The following SDK1 variants were observed in gnomAD, a reference collection of about 807,000 sequenced individuals.
SDK1 encodes protein sidekick-1.
A neutral mutation model predicts 245.5 loss-of-function variants in SDK1; 157 were observed. That is an observed-to-expected ratio of 0.64 (90% CI 0.56 to 0.73). SDK1 has a LOEUF of 0.73. Ranked by LOEUF, SDK1 falls within the 30% of genes least tolerant of loss-of-function variation. The pLI is 0.00. For missense variants in SDK1, 3,583 were observed against 3,002.3 expected (o/e 1.19, Z -4.52); for synonymous variants, 1,647 against 1,278.5 (o/e 1.29, Z -6.15).
intron 21 of SDK1, among the ~76,000 whole-genome samples, chr7:4,078,757 G>C (rs1049034443): frequency 6.6e-6 from 1 of 152,192 alleles, no homozygotes; most frequent in Non-Finnish European, 1.5e-5. Flanking sequence ...CATCTGAAGG[G>C]TCTCTCATCT....
At chr7:4,248,940 C>A (rs989898751) in intron 44 of SDK1, among the ~76,000 whole-genome samples, 1 of 147,252 alleles carries the variant, frequency 6.8e-6, no homozygotes, top group Non-Finnish European at 1.5e-5. Context: ...TACATACATG[C>A]ACAACACATA....
chr7:3,622,330 A>C (rs528821765), intron 2 of SDK1, among the ~76,000 whole-genome samples: 2 of 152,152 alleles, frequency 1.3e-5, no homozygotes, highest in East Asian at 3.9e-4. Flanking sequence ...AAAATACAAA[A>C]ATTAGCCAGG....
intron 5 of SDK1, among the ~76,000 whole-genome samples, chr7:3,931,179 AC>A (rs1419105907): frequency 3.9e-5 from 6 of 152,178 alleles, no homozygotes; most frequent in Non-Finnish European, 8.8e-5. Flanking sequence ...GAGCAGATCA[AC>A]CCATTTTAAT....
At chr7:3,812,389 T>C (rs1417652062) in intron 4 of SDK1, among the ~76,000 whole-genome samples, 1 of 152,140 alleles carries the variant, frequency 6.6e-6, no homozygotes, top group African/African-American at 2.4e-5. Context: ...GTATTTCAAA[T>C]CCAAAGGATT....
intron 17 of SDK1, among the ~76,000 whole-genome samples, chr7:4,021,807 C>G (rs1186703439): frequency 3.3e-5 from 5 of 152,222 alleles, no homozygotes; most frequent in African/African-American, 9.7e-5. Flanking sequence ...ACATATCTGT[C>G]CCTTGTTAAG....
At chr7:3,721,593 C>CT (rs1241703262) in intron 4 of SDK1, among the ~76,000 whole-genome samples, 1 of 152,204 alleles carries the variant, frequency 6.6e-6, no homozygotes, top group African/African-American at 2.4e-5. Context: ...AAATGACCCT[C>CT]TGTTGTCTCT....
At chr7:3,361,389 C>T (rs1194755823) in intron 1 of SDK1, among the ~76,000 whole-genome samples, 1 of 152,158 alleles carries the variant, frequency 6.6e-6, no homozygotes, top group Admixed American at 6.5e-5. Flanking sequence ...CTTTCTTGTC[C>T]CACCTTCTGG....
chr7:3,950,775 A>G (rs1267292998), intron 5 of SDK1, 148 bp from the exon 6 acceptor site: 4 of 616,520 alleles, frequency 6.5e-6, no homozygotes, highest in Admixed American at 2.7e-5. Flanking sequence ...GAGCCATCAT[A>G]CATCAGGGAC....
At chr7:4,013,335 T>C (rs1786134887) in intron 16 of SDK1, among the ~76,000 whole-genome samples, 1 of 152,238 alleles carries the variant, frequency 6.6e-6, no homozygotes, top group Admixed American at 6.5e-5. Flanking sequence ...TAAAGCAGAA[T>C]TGCATAATAA....
In SDK1 at chr7:4,268,258, C is replaced by G. The variant is rs975269435; in HGVS notation, c.*2874C>G. On this transcript the variant is annotated 3_prime_UTR_variant, in exon 45 of 45. Coordinates refer to ENST00000404826, the MANE Select transcript of SDK1 (RefSeq NM_152744.4). Reference sequence around the variant, plus strand: ...TCACGGAGTGGCCAGGAGGCTCCGTCTGAGCCACAGGGATGGGTGTGCAGA... The same window carrying G: ...TCACGGAGTGGCCAGGAGGCTCCGTGTGAGCCACAGGGATGGGTGTGCAGA... The G allele has an allele frequency of 3.0e-6, 3 of 1,000,498 alleles. No individual in the cohort carries two copies. Among genetic ancestry groups the G allele is most frequent in the African/African-American group, 1.7e-5 (1 of 57,758 alleles). 62.0% of individuals were successfully genotyped at this position (1,000,498 alleles called of 1,614,324 possible). A position where few individuals can be genotyped will look rare whatever the true frequency, so the allele number is the denominator to read the frequency against.
chr7:3,761,149 T>C (rs929268143), intron 4 of SDK1, among the ~76,000 whole-genome samples: 8 of 152,178 alleles, frequency 5.3e-5, no homozygotes, highest in African/African-American at 7.2e-5. Flanking sequence ...GTAGCACTTT[T>C]TCCAGGTGAG....
At chr7:3,679,341 T>C (rs987554689) in intron 4 of SDK1, among the ~76,000 whole-genome samples, 2 of 151,834 alleles carry the variant, frequency 1.3e-5, no homozygotes, top group East Asian at 3.9e-4. Context: ...CCGAGGCGGG[T>C]GGATCACGAG....
chr7:3,596,600 C>A (rs1043974540), intron 1 of SDK1, among the ~76,000 whole-genome samples: 1 of 152,148 alleles, frequency 6.6e-6, no homozygotes, highest in Non-Finnish European at 1.5e-5. Context: ...TCCCTCAGGC[C>A]CTTCCAATTA....
intron 4 of SDK1, among the ~76,000 whole-genome samples, chr7:3,805,190 A>AC (rs1238398649): frequency 7.2e-5 from 11 of 152,226 alleles, no homozygotes; most frequent in Non-Finnish European, 1.3e-4. Context: ...GCTACTAAAA[A>AC]ATACAGTTGT....
intron 1 of SDK1, among the ~76,000 whole-genome samples, chr7:3,482,191 C>G (rs1042812244): frequency 2.6e-5 from 4 of 152,174 alleles, no homozygotes; most frequent in African/African-American, 9.7e-5. Context: ...ATACCTTAAA[C>G]TACCTACCTA....
At chr7:3,362,011 A>G (rs1429251758) in intron 1 of SDK1, among the ~76,000 whole-genome samples, 3 of 152,182 alleles carry the variant, frequency 2.0e-5, no homozygotes, top group East Asian at 1.9e-4. Context: ...AACTCTCACA[A>G]CTAAAGGATT....
chr7:3,901,326 A>G (rs1172180088), intron 5 of SDK1, among the ~76,000 whole-genome samples: 1 of 152,012 alleles, frequency 6.6e-6, no homozygotes, highest in Non-Finnish European at 1.5e-5. Flanking sequence ...AGCTGGGACT[A>G]CAGGCATGTG....
chr7:3,341,482 A>G (rs1482923656), intron 1 of SDK1, among the ~76,000 whole-genome samples: 1 of 152,202 alleles, frequency 6.6e-6, no homozygotes, highest in Non-Finnish European at 1.5e-5. Flanking sequence ...TGTCCAAAAC[A>G]GTAGTACTAA....
rs761049885 is a variant in SDK1, at chr7:3,642,014, G to C, written c.622G>C (p.Ala208Pro). The C allele has an allele frequency of 1.2e-6, 2 of 1,614,058 alleles. No individual in the cohort carries two copies. The highest frequency in any genetic ancestry group is 8.5e-7 in the Non-Finnish European group (1 of 1,179,884). Residue 208 changes from alanine to proline, a missense_variant, in exon 4 of 45, where the codon GCG becomes CCG. Transcript: ENST00000404826. ...QRKTVSQGRA[A>P]ILNLLPITSY... The stretch of plus-strand genomic sequence containing the variant: ...GAAAACAGTTTCTCAAGGACGTGCA[G>C]CGATTCTAAACCTGCTGCCCATCAC...
Sources: gnomAD v4.1 joint callset for allele counts (sites outside exome capture counted in the v4.1 genomes callset) on GRCh38, gnomAD v4.1.1 for gene constraint, MANE v1.5 for transcripts, NCBI Gene and HGNC (gene_info 2026-07-23, HGNC 2026-07-21) for gene names.